The following SMIM10L3 variants were observed in gnomAD, a reference collection of about 807,000 sequenced individuals.
SMIM10L3 encodes small integral membrane protein 10 like 3, also known as salivary gland specific protein SAGSIN1.
the SMIM10L3 span, among the ~76,000 whole-genome samples, chr7:6,345,154 G>A: frequency 9.2e-5 from 14 of 152,100 alleles, no homozygotes; most frequent in African/African-American, 3.4e-4. Context: ...GTCTCACTCT[G>A]TTGCCCAGGC....
At chr7:6,331,334 T>C in the SMIM10L3 span, 1 of 650,240 alleles carries the variant, frequency 1.5e-6, no homozygotes, top group Non-Finnish European at 2.6e-6. Flanking sequence ...CTGAGATCTT[T>C]ATGACAGTCT....
the SMIM10L3 span, among the ~76,000 whole-genome samples, chr7:6,342,584 G>A: frequency 1.3e-5 from 2 of 152,058 alleles, no homozygotes; most frequent in African/African-American, 4.8e-5. Flanking sequence ...AGTTACATAT[G>A]ATCCAGCAAT....
At chr7:6,330,114 T>C in the SMIM10L3 span, 1 of 462,776 alleles carries the variant, frequency 2.2e-6, no homozygotes, top group Non-Finnish European at 4.0e-6. Context: ...TAATCTGGTA[T>C]TTATACAGGC....
chr7:6,335,424 T>G, the SMIM10L3 span, among the ~76,000 whole-genome samples: 3 of 151,272 alleles, frequency 2.0e-5, no homozygotes, highest in African/African-American at 7.3e-5. Flanking sequence ...AGATGGTGTT[T>G]CGCTATGTTG....
the SMIM10L3 span, chr7:6,348,562 G>C: frequency 9.2e-6 from 4 of 432,680 alleles, no homozygotes; most frequent in South Asian, 5.3e-5. Context: ...GGGCAGGCAC[G>C]GCTCACCCAC....
chr7:6,340,429 A>G, the SMIM10L3 span, among the ~76,000 whole-genome samples: 13 of 152,268 alleles, frequency 8.5e-5, no homozygotes, highest in Non-Finnish European at 1.3e-4. Context: ...AACATGGGTA[A>G]GTACACTTCA....
the SMIM10L3 span, among the ~76,000 whole-genome samples, chr7:6,334,526 G>T: frequency 6.6e-6 from 1 of 152,046 alleles, no homozygotes; most frequent in Non-Finnish European, 1.5e-5. Flanking sequence ...GAAGTGCAGT[G>T]GCAGGATCAC....
the SMIM10L3 span, chr7:6,341,909 A>C: frequency 3.3e-5 from 5 of 151,820 alleles, no homozygotes; most frequent in Admixed American, 2.6e-4. Context: ...GAGGCAGGAG[A>C]ATCACTTGAA....
chr7:6,333,916 A>T, the SMIM10L3 span, among the ~76,000 whole-genome samples: 2 of 134,948 alleles, frequency 1.5e-5, no homozygotes, highest in Non-Finnish European at 3.1e-5. Flanking sequence ...GCGCCATCTC[A>T]GCTCACTAAA....
the SMIM10L3 span, among the ~76,000 whole-genome samples, chr7:6,333,765 C>T: frequency 7.0e-6 from 1 of 143,192 alleles, no homozygotes; most frequent in Non-Finnish European, 1.5e-5. Context: ...ACTTGAAGAA[C>T]AAGTGTCTTT....
the SMIM10L3 span, among the ~76,000 whole-genome samples, chr7:6,333,307 C>A: frequency 5.9e-5 from 9 of 151,976 alleles, no homozygotes; most frequent in Non-Finnish European, 1.3e-4. Flanking sequence ...GTGATTGGAG[C>A]CAGCCGAGAA....
chr7:6,341,335 C>T, the SMIM10L3 span, among the ~76,000 whole-genome samples: 4 of 150,252 alleles, frequency 2.7e-5, no homozygotes, highest in South Asian at 2.1e-4. Flanking sequence ...CCCAGCTACT[C>T]GGGAGGCTGA....
At chr7:6,338,211 A>G in the SMIM10L3 span, among the ~76,000 whole-genome samples, 2 of 152,268 alleles carry the variant, frequency 1.3e-5, no homozygotes, top group African/African-American at 2.4e-5. Flanking sequence ...GAGGGCCACA[A>G]ATAACTTCTA....
chr7:6,337,070 A>ATTTTTTTTTTTT, the SMIM10L3 span, among the ~76,000 whole-genome samples: 1 of 151,050 alleles, frequency 6.6e-6, no homozygotes, highest in Non-Finnish European at 1.5e-5. Context: ...AGGTATTTTA[A>ATTTTTTTTTTTT]TTCTTTTTTT....
At chr7:6,336,752 T>C in the SMIM10L3 span, among the ~76,000 whole-genome samples, 1 of 151,126 alleles carries the variant, frequency 6.6e-6, no homozygotes, top group African/African-American at 2.4e-5. Context: ...TTCCTCAAGG[T>C]TGGGTCATCA....
chr7:6,336,421 C>G, the SMIM10L3 span, among the ~76,000 whole-genome samples: 14 of 152,050 alleles, frequency 9.2e-5, no homozygotes, highest in Non-Finnish European at 1.9e-4. Flanking sequence ...TGGCTCATGC[C>G]TGTAATCCCA....
the SMIM10L3 span, among the ~76,000 whole-genome samples, chr7:6,331,535 C>T: frequency 6.6e-6 from 1 of 151,892 alleles, no homozygotes; most frequent in African/African-American, 2.4e-5. Flanking sequence ...TTGCATGCCA[C>T]CAAGCCCGCT....
the SMIM10L3 span, among the ~76,000 whole-genome samples, chr7:6,343,481 G>A: frequency 9.4e-5 from 13 of 138,522 alleles, no homozygotes; most frequent in Non-Finnish European, 1.7e-4. Flanking sequence ...TCTTCCCACA[G>A]GCCATATAAC....
the SMIM10L3 span, among the ~76,000 whole-genome samples, chr7:6,340,715 C>T: frequency 5.3e-5 from 8 of 151,736 alleles, no homozygotes; most frequent in East Asian, 5.9e-4. Context: ...CTGGCTAACA[C>T]GGTAAAACCC....
Sources: gnomAD v4.1 joint callset for allele counts (sites outside exome capture counted in the v4.1 genomes callset) on GRCh38, gnomAD v4.1.1 for gene constraint, MANE v1.5 for transcripts, NCBI Gene and HGNC (gene_info 2026-07-23, HGNC 2026-07-21) for gene names.